Variants in SNX31 observed in about 807,000 individuals in gnomAD.
SNX31 encodes the protein sorting nexin 31.
SNX31 carries 58 observed loss-of-function variants against 65.4 expected under a neutral mutation model. That is an observed-to-expected ratio of 0.89 (90% CI 0.72 to 1.10). The LOEUF (loss-of-function observed/expected upper bound fraction) is 1.10. SNX31 is among the 50% of genes least tolerant of loss of function. SNX31 has a pLI of 0.00. For synonymous variants in SNX31, 181 were observed against 190.1 expected (o/e 0.95, Z 0.39); for missense variants, 523 against 529.7 (o/e 0.99, Z 0.12).
chr8:100,591,181 T>C (rs1376952946), intron 10 of SNX31, among the ~76,000 whole-genome samples: 1 of 151,972 alleles, frequency 6.6e-6, no homozygotes, highest in Non-Finnish European at 1.5e-5. Flanking sequence ...TGGAAAGCAG[T>C]AGGTTGGAAA....
chr8:100,649,393 G>A (rs763986838), intron 1 of SNX31, 45 bp from the exon 2 acceptor site: 1 of 1,610,748 alleles, frequency 6.2e-7, no homozygotes, highest in African/African-American at 1.3e-5. Flanking sequence ...CGAGGGATAA[G>A]TGAGCATTGC....
intron 1 of SNX31, chr8:100,657,667 A>C (rs1820073552): frequency 2.2e-6 from 1 of 455,860 alleles, no homozygotes; most frequent in African/African-American, 2.0e-5. Flanking sequence ...GTGGAGGGAC[A>C]AGATGGGGAT....
At chr8:100,638,087 T>G (rs1818904013) in intron 2 of SNX31, among the ~76,000 whole-genome samples, 2 of 152,170 alleles carry the variant, frequency 1.3e-5, no homozygotes, top group African/African-American at 4.8e-5. Context: ...GGAGGGTTGC[T>G]TGAGCCCAGG....
chr8:100,617,766 C>CT, intron 4 of SNX31, 36 bp from the exon 5 acceptor site: 1 of 1,491,850 alleles, frequency 6.7e-7, no homozygotes, highest in Admixed American at 1.9e-5. Context: ...AATTTCCACA[C>CT]CTTTTTTTTT....
At chr8:100,619,619 G>A (rs974253528) in intron 4 of SNX31, among the ~76,000 whole-genome samples, 11 of 152,214 alleles carry the variant, frequency 7.2e-5, no homozygotes, top group Non-Finnish European at 1.2e-4. Flanking sequence ...CTGCCCACAT[G>A]GGGCCTTGCA....
In SNX31 at chr8:100,643,174, A is replaced by G. The variant is rs148319510; in HGVS notation, c.141+6100T>C. 4.8e-4 allele frequency among the ~76,000 whole-genome samples: 72 copies of G among 150,870 alleles called. No individual in the cohort carries two copies. In the East Asian group the frequency reaches 0.012, roughly 25 times the overall value. On this transcript the variant is annotated intron_variant, in intron 2 of 13. Transcript: ENST00000311812. ...CACCACCTCACTGCAGCTTAGGTGA[A>G]AGAGCGTGACTCCGTCTCAAAAAAA...
rs1257697945 is a variant in SNX31 at position 100,617,719 on chromosome 8, G to A, written c.333C>T (p.Asp111=). 4.3e-6 allele frequency: 7 copies of A among 1,609,668 alleles called. No homozygotes were observed. The highest frequency in any genetic ancestry group is 5.9e-6 in the Non-Finnish European group (7 of 1,177,908). The change falls in exon 5 of 14, where the codon GAC becomes GAT. Residue 111 remains aspartate (D), a synonymous_variant. Coordinates refer to ENST00000311812, the MANE Select transcript of SNX31 (RefSeq NM_152628.4). ...FLKLAQLNTF[D]IATKKAYLDI... is the part of the protein sequence containing the mutation. ...CCAGATAAGCTTTCTTGGTGGCGAT[G>A]TCAAATGTATTCTATAAGCAAAAGA...
intron 2 of SNX31, among the ~76,000 whole-genome samples, chr8:100,645,603 T>C (rs1349893181): frequency 7.1e-6 from 1 of 140,186 alleles, no homozygotes; most frequent in Non-Finnish European, 1.5e-5. Context: ...ACTCAGACTC[T>C]TCATTTTTTT....
intron 5 of SNX31, among the ~76,000 whole-genome samples, chr8:100,615,031 C>G (rs1254743107): frequency 3.4e-4 from 52 of 152,306 alleles, no homozygotes; most frequent in Admixed American, 3.1e-3. Flanking sequence ...TGGTTTTATG[C>G]AAGCTAGAGA....
At position 100,622,357 on chromosome 8, in the gene SNX31, A is replaced by G. The variant is rs972263088; in HGVS notation, c.322-4627T>C. Among the ~76,000 whole-genome samples the G allele has an allele frequency of 6.6e-6, 1 of 152,174 alleles. No individual in the cohort carries two copies. Among genetic ancestry groups the G allele is most frequent in the African/African-American group, 2.4e-5 (1 of 41,462 alleles). ...AAGAACTAGCATAGTAGCGTCCGCA[A>G]TGGGGCATTTTCCAGGTGTGGTGGC... is the stretch of plus-strand genomic sequence containing the variant. On this transcript the variant is annotated intron_variant, in intron 4 of 13. Coordinates refer to ENST00000311812, the MANE Select transcript of SNX31 (RefSeq NM_152628.4). The surrounding 1 kb of genome is among the most constrained non-coding windows in gnomAD (Gnocchi z 5.0).
At chr8:100,584,906 G>A (rs1813897174) in intron 11 of SNX31, among the ~76,000 whole-genome samples, 1 of 151,816 alleles carries the variant, frequency 6.6e-6, no homozygotes, top group Non-Finnish European at 1.5e-5. Context: ...TGTATTTTTA[G>A]TAGAGACGGG....
chr8:100,633,309 T>C (rs903962374), intron 3 of SNX31, among the ~76,000 whole-genome samples: 3 of 152,212 alleles, frequency 2.0e-5, no homozygotes, highest in Non-Finnish European at 1.5e-5. Flanking sequence ...ATATTGAACA[T>C]TATTGTATCA....
chr8:100,607,320 A>T (rs894125954), intron 8 of SNX31, among the ~76,000 whole-genome samples: 1 of 152,184 alleles, frequency 6.6e-6, no homozygotes. Flanking sequence ...GTGAGTGTGA[A>T]CACCTGGGGC....
rs60802013 is a variant in SNX31, at chr8:100,581,132, C to CAAA, written c.1170+2976_1170+2978dup. Among the ~76,000 whole-genome samples the CAAA allele has an allele frequency of 9.4e-3, 747 of 79,594 alleles. 9 individuals carry two copies. The highest frequency in any genetic ancestry group is 0.012 in the Non-Finnish European group (477 of 38,202). The allele number at this position is 79,594 out of a possible 152,430, so 52.2% of individuals were successfully genotyped here. A position where few individuals can be genotyped will look rare whatever the true frequency, so the allele number is the denominator to read the frequency against. On this transcript the variant is annotated intron_variant, in intron 12 of 13. Transcript: ENST00000311812. ...AAAACACAGGGAGACCTTACCTCTACAAAAAAAAAAAAAAAAATTAGCTGG... is the reference window on the plus strand; with the variant it reads ...AAAACACAGGGAGACCTTACCTCTACAAAAAAAAAAAAAAAAAAAATTAGCTGG...
rs1445194058 is a variant in SNX31 at position 100,648,551 on chromosome 8, G to C, written c.141+723C>G. On this transcript the variant is annotated intron_variant, in intron 2 of 13. Transcript: ENST00000311812. The surrounding 1 kb of genome is among the most constrained non-coding windows in gnomAD (Gnocchi z 4.3). Reference sequence around the variant, plus strand: ...AAAAATCACTATTCATGGGGGAGTGGAGGAGGAGTGTAAAGTTTATTTCTA... The same window carrying C: ...AAAAATCACTATTCATGGGGGAGTGCAGGAGGAGTGTAAAGTTTATTTCTA... Among the ~76,000 whole-genome samples, 1 of 152,146 alleles carries C rather than the reference G, an allele frequency of 6.6e-6. No individual in the cohort carries two copies. Among genetic ancestry groups the C allele is most frequent in the African/African-American group, 2.4e-5 (1 of 41,426 alleles).
At chr8:100,655,979 G>A (rs1430257514) in intron 1 of SNX31, among the ~76,000 whole-genome samples, 1 of 152,186 alleles carries the variant, frequency 6.6e-6, no homozygotes, top group South Asian at 2.1e-4. Context: ...GTCTTGTAAA[G>A]TGCTCCTCAA....
intron 8 of SNX31, among the ~76,000 whole-genome samples, chr8:100,607,552 A>G (rs903179837): frequency 1.3e-5 from 2 of 152,236 alleles, no homozygotes; most frequent in African/African-American, 4.8e-5. Context: ...ATTTTGGGTA[A>G]TGGTCACAAA....
chr8:100,590,784 AAAC>A (rs56687985), intron 10 of SNX31, among the ~76,000 whole-genome samples: 12 of 151,852 alleles, frequency 7.9e-5, no homozygotes, highest in East Asian at 1.9e-4. Flanking sequence ...TCCATCTCGA[AAAC>A]AACAACAACA....
intron 1 of SNX31, among the ~76,000 whole-genome samples, chr8:100,659,710 A>G (rs1809745702): frequency 6.6e-6 from 1 of 152,210 alleles, no homozygotes; most frequent in African/African-American, 2.4e-5. Context: ...CTCAACCCCA[A>G]GACAAAGAGT....
Sources: allele counts gnomAD v4.1 joint callset (sites outside exome capture counted in the v4.1 genomes callset), GRCh38; gene constraint gnomAD v4.1.1; non-coding constraint Gnocchi (gnomAD v3.1); transcripts MANE v1.5; gene names NCBI Gene and HGNC (gene_info 2026-07-23, HGNC 2026-07-21).